Variants in ZNF705B observed in about 807,000 individuals in gnomAD.
ZNF705B encodes zinc finger protein 705B, also known as Putative zinc finger protein 705D-like protein LOC100132396.
In ZNF705B, 1 loss-of-function variant was observed where a neutral mutation model predicts 10.5. That is an observed-to-expected ratio of 0.10 (90% CI 0.03 to 0.45). The LOEUF is 0.45. Ranked by LOEUF, ZNF705B falls within the 20% of genes least tolerant of loss-of-function variation. The probability of loss-of-function intolerance (pLI) is 0.97; values close to 1 mark genes in which losing one functional copy is unlikely to be tolerated. For synonymous variants in ZNF705B, 4 were observed against 25.4 expected (o/e 0.16, Z 2.53); for missense variants, 14 against 84.0 (o/e 0.17, Z 3.26).
At chr8:7,940,232 GT>G (rs759600702) in intron 2 of ZNF705B, among the ~76,000 whole-genome samples, 4 of 147,288 alleles carry the variant, frequency 2.7e-5, no homozygotes, top group Non-Finnish European at 4.5e-5. Flanking sequence ...CTCCTTTTAA[GT>G]TTTTTAACCA....
rs1483447423 is a variant in ZNF705B at position 7,930,267 on chromosome 8, G to T, written c.-221-20G>T. The T allele has an allele frequency of 9.1e-6, 1 of 110,366 alleles. No homozygotes were observed. The highest frequency in any genetic ancestry group is 3.3e-4 in the South Asian group (1 of 2,998). The allele number at this position is 110,366 out of a possible 1,614,324, so 6.8% of individuals were successfully genotyped here. On this transcript the variant is annotated intron_variant, in intron 1 of 6. Coordinates refer to ENST00000400120, the MANE Select transcript of ZNF705B (RefSeq NM_001193630.1). ...CTATTCCTGTGTTAGTTTCCCAGCT[G>T]AATTCAAACTCATTCCCAGATCACT...
intron 1 of ZNF705B, among the ~76,000 whole-genome samples, chr8:7,929,173 G>T (rs1284411018): frequency 8.2e-6 from 1 of 121,792 alleles, no homozygotes; most frequent in African/African-American, 2.5e-5. Flanking sequence ...AATGTCAGTC[G>T]TATTAAATAT....
At chr8:7,936,951 G>T (rs1342888021) in intron 2 of ZNF705B, among the ~76,000 whole-genome samples, 2 of 120,148 alleles carry the variant, frequency 1.7e-5, no homozygotes, top group Non-Finnish European at 4.0e-5. Flanking sequence ...AAGAATTCAA[G>T]TAACATTAGG....
intron 1 of ZNF705B, among the ~76,000 whole-genome samples, chr8:7,927,390 G>A (rs1159080800): frequency 8.2e-6 from 1 of 121,216 alleles, no homozygotes; most frequent in East Asian, 2.3e-4. Context: ...TTACAGGTTA[G>A]GTTCATTTGC....
chr8:7,940,342 A>G (rs1820114473), intron 2 of ZNF705B, among the ~76,000 whole-genome samples: 1 of 147,732 alleles, frequency 6.8e-6, no homozygotes, highest in African/African-American at 2.5e-5. Context: ...CTTGGGGATA[A>G]GTATACACCA....
intron 2 of ZNF705B, among the ~76,000 whole-genome samples, chr8:7,937,678 G>A (rs190838093): frequency 1.7e-5 from 2 of 115,470 alleles, no homozygotes; most frequent in East Asian, 2.5e-4. Context: ...ATGCCACAAG[G>A]ATAATAATCT....
At chr8:7,940,968 C>A (rs1396472771) in intron 2 of ZNF705B, among the ~76,000 whole-genome samples, 1 of 148,740 alleles carries the variant, frequency 6.7e-6, no homozygotes, top group African/African-American at 2.4e-5. Context: ...GGTTAGTTTG[C>A]TGAGAATAAT....
intron 1 of ZNF705B, among the ~76,000 whole-genome samples, chr8:7,928,616 C>T (rs1819761377): frequency 9.1e-6 from 1 of 109,350 alleles, no homozygotes; most frequent in Admixed American, 1.1e-4. Context: ...CTGTTTAATT[C>T]CTTTACCATA....
intron 2 of ZNF705B, among the ~76,000 whole-genome samples, chr8:7,936,649 T>G (rs1820023514): frequency 8.4e-6 from 1 of 118,748 alleles, no homozygotes; most frequent in African/African-American, 2.6e-5. Flanking sequence ...ATATTCTCAG[T>G]TATAAGGGGG....
Position 7,936,729 on chromosome 8 carries a change from G to A in ZNF705B, c.-72+6293G>A, listed in dbSNP as rs1460872037. Among the ~76,000 whole-genome samples, 8 of 118,716 alleles carry A rather than the reference G, an allele frequency of 6.7e-5. 1 individual carries two copies. In the East Asian group the frequency reaches 1.9e-3, roughly 29 times the overall value. The allele number at this position is 118,716 out of a possible 152,430, so 77.9% of individuals were successfully genotyped here. A position where few individuals can be genotyped will look rare whatever the true frequency, so the allele number is the denominator to read the frequency against. On this transcript the variant is annotated intron_variant, in intron 2 of 6. Transcript: ENST00000400120. ...AGATTGGGTCTTACCAGGAGGGGAG[G>A]GAGAGGGAGTAAAGTCTGAAAAGCT...
At position 7,936,255 on chromosome 8, in the gene ZNF705B, T is replaced by G. The variant is rs1419123959; in HGVS notation, c.-72+5819T>G. ...TTTGTTGTTACTCTCGGTTCAGAGG[T>G]CTTTGAATCATGTGTACTATTTTAC... On this transcript the variant is annotated intron_variant, in intron 2 of 6. Transcript: ENST00000400120. 1.7e-5 allele frequency among the ~76,000 whole-genome samples: 2 copies of G among 120,272 alleles called. 1 individual carries two copies. The highest frequency in any genetic ancestry group is 1.9e-4 in the Admixed American group (2 of 10,480). The allele number at this position is 120,272 out of a possible 152,430, so 78.9% of individuals were successfully genotyped here. A position where few individuals can be genotyped will look rare whatever the true frequency, so the allele number is the denominator to read the frequency against.
chr8:7,936,605 C>A (rs1820022590), intron 2 of ZNF705B, among the ~76,000 whole-genome samples: 2 of 119,640 alleles, frequency 1.7e-5, no homozygotes, highest in Admixed American at 9.6e-5. Flanking sequence ...TTATTCTAAG[C>A]AAATTAGCTC....
At chr8:7,927,601 T>C (rs1022319554) in intron 1 of ZNF705B, among the ~76,000 whole-genome samples, 1 of 102,218 alleles carries the variant, frequency 9.8e-6, no homozygotes, top group African/African-American at 2.6e-5. Context: ...TTTTTTTTTT[T>C]CCTGAGACAA....
At chr8:7,940,224 C>T (rs1390940205) in intron 2 of ZNF705B, among the ~76,000 whole-genome samples, 2 of 146,716 alleles carry the variant, frequency 1.4e-5, no homozygotes, top group Non-Finnish European at 3.0e-5. Flanking sequence ...ATCTACCCCT[C>T]CTTTTAAGTT....
chr8:7,931,990 A>T (rs1819862435), intron 2 of ZNF705B, among the ~76,000 whole-genome samples: 1 of 120,858 alleles, frequency 8.3e-6, no homozygotes, highest in East Asian at 2.4e-4. Context: ...CCAGGGCAGG[A>T]TGTAGTCTTT....
Position 7,936,788 on chromosome 8 carries a change from T to G in ZNF705B, c.-72+6352T>G, listed in dbSNP as rs1426815045. Among the ~76,000 whole-genome samples the G allele has an allele frequency of 1.7e-5, 2 of 119,976 alleles. 1 individual carries two copies. Among genetic ancestry groups the G allele is most frequent in the African/African-American group, 5.1e-5 (2 of 39,206 alleles). The allele number at this position is 119,976 out of a possible 152,430, so 78.7% of individuals were successfully genotyped here. A position where few individuals can be genotyped will look rare whatever the true frequency, so the allele number is the denominator to read the frequency against. On this transcript the variant is annotated intron_variant, in intron 2 of 6. Transcript: ENST00000400120. Reference sequence around the variant, plus strand: ...GGTACACCCTACCTGTGTGACAGAGTTATTCATACCCCAAACCTCAATATC... The same window carrying G: ...GGTACACCCTACCTGTGTGACAGAGGTATTCATACCCCAAACCTCAATATC...
At chr8:7,931,541 C>A (rs1315050336) in intron 2 of ZNF705B, among the ~76,000 whole-genome samples, 2 of 122,146 alleles carry the variant, frequency 1.6e-5, no homozygotes, top group Non-Finnish European at 3.9e-5. Context: ...CAATGACAGA[C>A]AGCAGTGTGG....
intron 2 of ZNF705B, among the ~76,000 whole-genome samples, chr8:7,933,965 G>A (rs1351486710): frequency 3.7e-5 from 3 of 81,726 alleles, no homozygotes; most frequent in African/African-American, 1.9e-4. Context: ...TTTTGAGACA[G>A]TGTCTTACTC....
chr8:7,932,153 G>C (rs1302402998), intron 2 of ZNF705B, among the ~76,000 whole-genome samples: 2 of 121,292 alleles, frequency 1.6e-5, no homozygotes, highest in Non-Finnish European at 4.0e-5. Flanking sequence ...TGCAAGGGCT[G>C]AGAGACTGTC....
Sources: gnomAD v4.1 joint callset for allele counts (sites outside exome capture counted in the v4.1 genomes callset) on GRCh38, gnomAD v4.1.1 for gene constraint, MANE v1.5 for transcripts, NCBI Gene and HGNC (gene_info 2026-07-23, HGNC 2026-07-21) for gene names.